Variants in SOCS7 observed in about 807,000 individuals in gnomAD.
SOCS7 encodes the protein NAP-4.
In SOCS7, 18 loss-of-function variants were observed where a neutral mutation model predicts 58.9. The ratio of observed to expected loss-of-function variants is 0.31; its 90% CI spans 0.21 to 0.45. The LOEUF (loss-of-function observed/expected upper bound fraction) is 0.45. SOCS7 is among the 20% of genes least tolerant of loss of function. The pLI is 1.00. For missense variants in SOCS7, 667 were observed against 837.3 expected, an observed-to-expected ratio of 0.80 and a Z score of 2.51; for synonymous variants, 388 against 364.3, an observed-to-expected ratio of 1.06 and a Z score of -0.74.
At chr17:38,382,567 C>T (rs1242544537) in intron 7 of SOCS7, among the ~76,000 whole-genome samples, 1 of 152,028 alleles carries the variant, frequency 6.6e-6, no homozygotes, top group Non-Finnish European at 1.5e-5. Flanking sequence ...CTCACTGCAA[C>T]CTCCTCCGCC....
At chr17:38,373,406 T>TGC (rs932150640) in intron 6 of SOCS7, among the ~76,000 whole-genome samples, 5 of 152,114 alleles carry the variant, frequency 3.3e-5, no homozygotes, top group African/African-American at 1.2e-4. Flanking sequence ...AAGATGAAAG[T>TGC]GCCCTATTCT....
intron 1 of SOCS7, among the ~76,000 whole-genome samples, chr17:38,353,916 A>AGCCT (rs2037597482): frequency 6.6e-6 from 1 of 152,208 alleles, no homozygotes; most frequent in Non-Finnish European, 1.5e-5. Flanking sequence ...ACAGAGTGAG[A>AGCCT]GCCTGTCTCG....
At chr17:38,398,876 A>AG (rs2038279158) in intron 9 of SOCS7, among the ~76,000 whole-genome samples, 1 of 152,058 alleles carries the variant, frequency 6.6e-6, no homozygotes, top group Non-Finnish European at 1.5e-5. Flanking sequence ...GCTCATCACG[A>AG]GGTCAGGAGT....
chr17:38,397,312 A>G (rs866657606), intron 9 of SOCS7, among the ~76,000 whole-genome samples: 1 of 152,202 alleles, frequency 6.6e-6, no homozygotes, highest in Non-Finnish European at 1.5e-5. Flanking sequence ...GCCACAGGCA[A>G]CAATCCTGAT....
At chr17:38,365,536 C>T in intron 4 of SOCS7, 127 bp downstream of exon 4, 3 of 582,708 alleles carry the variant, frequency 5.1e-6, no homozygotes, top group Non-Finnish European at 8.3e-6. Context: ...ATCTTTTCCC[C>T]TTGGCTGGAC....
chr17:38,375,733 T>A (rs954631831), intron 6 of SOCS7: 1 of 152,148 alleles, frequency 6.6e-6, no homozygotes, highest in Non-Finnish European at 1.5e-5. Flanking sequence ...AGGGTCAGTT[T>A]ATGTATGTAA....
At chr17:38,368,320 G>T (rs1030682357) in intron 6 of SOCS7, among the ~76,000 whole-genome samples, 1 of 152,124 alleles carries the variant, frequency 6.6e-6, no homozygotes, top group African/African-American at 2.4e-5. Context: ...TGTTGGAGAG[G>T]CTCCCGAGAA....
intron 7 of SOCS7, among the ~76,000 whole-genome samples, chr17:38,378,140 C>T (rs759999723): frequency 4.4e-4 from 67 of 152,238 alleles, no homozygotes; most frequent in Non-Finnish European, 7.4e-4. Flanking sequence ...CTAGGCATCT[C>T]AACATTTATA....
At chr17:38,384,972 C>T (rs2038050586) in intron 7 of SOCS7, among the ~76,000 whole-genome samples, 1 of 145,970 alleles carries the variant, frequency 6.9e-6, no homozygotes, top group African/African-American at 2.6e-5. Flanking sequence ...TCTCAGCTCA[C>T]TGCAACCTCC....
At chr17:38,383,373 G>A (rs905900411) in intron 7 of SOCS7, among the ~76,000 whole-genome samples, 1 of 152,140 alleles carries the variant, frequency 6.6e-6, no homozygotes, top group African/African-American at 2.4e-5. Flanking sequence ...CATAGGAAGT[G>A]TTTAAGGTGG....
In SOCS7 at chr17:38,364,834, GAGA is replaced by G. The variant is rs2037767196; in HGVS notation, c.1134_1136del (p.Arg378del). Reference sequence around the variant, plus strand: ...ACCCTCCAACTCCCCCTCCTCCTCCGAGAAGAAGCCTCAGCCTCCTAGGTATAG... The same window carrying G: ...ACCCTCCAACTCCCCCTCCTCCTCCGAGAAGCCTCAGCCTCCTAGGTATAG... On this transcript the variant is annotated inframe_deletion, in exon 3 of 10. Coordinates refer to ENST00000612932, the MANE Select transcript of SOCS7 (RefSeq NM_014598.4). 2 of 1,613,626 alleles carry G rather than the reference GAGA, an allele frequency of 1.2e-6. No individual in the cohort carries two copies. The highest frequency in any genetic ancestry group is 4.5e-5 in the East Asian group (2 of 44,856).
chr17:38,366,437 T>A lies in SOCS7; in HGVS notation c.1383+20T>A. 6.2e-7 allele frequency: 1 copy of A among 1,613,974 alleles called. No individual in the cohort carries two copies. Among genetic ancestry groups the A allele is most frequent in the Non-Finnish European group, 8.5e-7 (1 of 1,179,864 alleles). On this transcript the variant is annotated intron_variant, in intron 5 of 9. Coordinates refer to ENST00000612932, the MANE Select transcript of SOCS7 (RefSeq NM_014598.4). ...GAGAAGGTAGGTGGTACCTAAGGAC[T>A]GGCAGGTCACTTCTCCTCCCATTAG...
intron 6 of SOCS7, among the ~76,000 whole-genome samples, chr17:38,371,417 G>A (rs1472066780): frequency 2.0e-5 from 3 of 152,060 alleles, no homozygotes; most frequent in East Asian, 1.9e-4. Context: ...TCCTGGACGC[G>A]TGCCACCACG....
intron 6 of SOCS7, among the ~76,000 whole-genome samples, chr17:38,371,724 G>A (rs1398695423): frequency 6.7e-6 from 1 of 149,140 alleles, no homozygotes; most frequent in Non-Finnish European, 1.5e-5. Flanking sequence ...TGGGATTACA[G>A]GTATGAGCCA....
In SOCS7 at chr17:38,402,402, C is replaced by T. The variant is rs1456558473; in HGVS notation, c.*2920C>T. The T allele has an allele frequency of 6.6e-6, 1 of 152,374 alleles. No individual in the cohort carries two copies. Among genetic ancestry groups the T allele is most frequent in the Non-Finnish European group, 1.5e-5 (1 of 68,198 alleles). The allele number at this position is 152,374 out of a possible 1,614,324, so 9.4% of individuals were successfully genotyped here. ...CTTCACCTCCCTGACCAGGCCCGTC[C>T]CTCCTTCGCCAGTGCTGTGCAGAGC... On this transcript the variant is annotated 3_prime_UTR_variant, in exon 10 of 10. Coordinates refer to ENST00000612932, the MANE Select transcript of SOCS7 (RefSeq NM_014598.4).
intron 2 of SOCS7, among the ~76,000 whole-genome samples, chr17:38,363,505 T>G (rs2037747185): frequency 6.6e-6 from 1 of 152,138 alleles, no homozygotes; most frequent in Non-Finnish European, 1.5e-5. Flanking sequence ...CTGAATAATT[T>G]TTATATTTTT....
chr17:38,383,153 A>G (rs2038024723), intron 7 of SOCS7, among the ~76,000 whole-genome samples: 1 of 152,188 alleles, frequency 6.6e-6, no homozygotes, highest in Admixed American at 6.5e-5. Context: ...AGGTCCTGCC[A>G]GTTACTAGCT....
intron 7 of SOCS7, among the ~76,000 whole-genome samples, chr17:38,380,413 C>G (rs2037985765): frequency 6.6e-6 from 1 of 151,970 alleles, no homozygotes; most frequent in South Asian, 2.1e-4. Flanking sequence ...GGTGGATCAC[C>G]TGAGGTCAGG....
At chr17:38,357,021 A>G (rs1342009394) in intron 1 of SOCS7, among the ~76,000 whole-genome samples, 1 of 152,214 alleles carries the variant, frequency 6.6e-6, no homozygotes, top group African/African-American at 2.4e-5. Flanking sequence ...AGATGAGGCT[A>G]TTACTGGCTG....
Sources: gnomAD v4.1 joint callset for allele counts (sites outside exome capture counted in the v4.1 genomes callset) on GRCh38, gnomAD v4.1.1 for gene constraint, MANE v1.5 for transcripts, NCBI Gene and HGNC (gene_info 2026-07-23, HGNC 2026-07-21) for gene names.